GARRE1: variants seen among roughly 807,000 people sequenced by gnomAD.
The protein encoded by GARRE1 is granule associated Rac and RHOG effector protein 1.
GARRE1 carries 49 observed loss-of-function variants against 103.2 expected under a neutral mutation model. That is an observed-to-expected ratio of 0.47 (90% CI 0.38 to 0.60). The LOEUF is 0.60. Ranked by LOEUF, GARRE1 falls within the 20% of genes least tolerant of loss-of-function variation. The probability of loss-of-function intolerance (pLI) is 0.00; values close to 1 mark genes in which losing one functional copy is unlikely to be tolerated. For missense variants in GARRE1, 1,199 were observed against 1,370.5 expected (o/e 0.87, Z 1.98); for synonymous variants, 505 against 532.8 (o/e 0.95, Z 0.72).
intron 12 of GARRE1, among the ~76,000 whole-genome samples, chr19:34,350,281 A>T (rs1394732937): frequency 1.3e-5 from 2 of 152,128 alleles, no homozygotes; most frequent in Non-Finnish European, 2.9e-5. Context: ...ATGACACGCA[A>T]GTTTTCTGCC....
At chr19:34,305,490 G>C (rs1159007093) in intron 2 of GARRE1, among the ~76,000 whole-genome samples, 3 of 152,208 alleles carry the variant, frequency 2.0e-5, no homozygotes, top group Non-Finnish European at 2.9e-5. Context: ...AGAGTGGTTT[G>C]AAATATAAGG....
intron 2 of GARRE1, among the ~76,000 whole-genome samples, chr19:34,306,448 G>C (rs577427462): frequency 1.8e-4 from 27 of 152,352 alleles, no homozygotes; most frequent in African/African-American, 6.3e-4. Flanking sequence ...AGATACTGAT[G>C]CCTTTGTCCA....
chr19:34,256,482 T>G (rs575652369), intron 1 of GARRE1, among the ~76,000 whole-genome samples: 1 of 149,294 alleles, frequency 6.7e-6, no homozygotes, highest in Non-Finnish European at 1.5e-5. Flanking sequence ...GTCGTGCCAC[T>G]GCGCTCCAGC....
At chr19:34,330,136 A>G in intron 6 of GARRE1, 53 bp from the exon 7 acceptor site, 3 of 1,507,642 alleles carry the variant, frequency 2.0e-6, no homozygotes, top group Non-Finnish European at 2.7e-6. Context: ...CAAATTTTAG[A>G]ACCTTGCATG....
Position 34,342,439 on chromosome 19 carries a change from G to A in GARRE1, c.2505G>A (p.Leu835=). The change falls in exon 10 of 14, where the codon CTG becomes CTA. Residue 835 remains leucine (L), a synonymous_variant. Coordinates refer to ENST00000299505, the MANE Select transcript of GARRE1 (RefSeq NM_014686.5). ...DGVFGMLGEI[L]PFDPAVGSDP... The stretch of plus-strand genomic sequence containing the variant: ...TCTTTGGAATGCTGGGAGAGATTCT[G>A]CCTTTTGATCCTGCAGGTATGTGAG... 1 of 1,612,098 alleles carries A rather than the reference G, an allele frequency of 6.2e-7. No homozygotes were observed. Among genetic ancestry groups the A allele is most frequent in the Non-Finnish European group, 8.5e-7 (1 of 1,178,650 alleles).
At chr19:34,278,982 A>C (rs1040371306) in intron 1 of GARRE1, among the ~76,000 whole-genome samples, 3 of 152,106 alleles carry the variant, frequency 2.0e-5, no homozygotes, top group African/African-American at 7.2e-5. Flanking sequence ...CTTCCTTTTT[A>C]ATACTAAATA....
rs201292704 is a variant in GARRE1 at position 34,328,026 on chromosome 19, C to T, written c.979C>T (p.Arg327Trp). 1.1e-5 allele frequency: 17 copies of T among 1,614,124 alleles called. No homozygotes were observed. Among genetic ancestry groups the T allele is most frequent in the East Asian group, 2.2e-5 (1 of 44,880 alleles). ...CSEAEAQQTG[R>W]RQTPPQPMQC... ...CGAGGCGGAAGCCCAGCAGACGGGG[C>T]GGAGGCAGACACCCCCGCAGCCCAT... is the stretch of plus-strand genomic sequence containing the variant. The change falls in exon 6 of 14, where the codon CGG (arginine) becomes TGG (tryptophan). Residue 327 changes from arginine to tryptophan, a missense_variant. By Grantham distance (101) the Arg-to-Trp change is moderately radical. Coordinates refer to ENST00000299505, the MANE Select transcript of GARRE1 (RefSeq NM_014686.5).
intron 2 of GARRE1, among the ~76,000 whole-genome samples, chr19:34,307,630 CATATATACTT>C (rs1205970526): frequency 1.4e-5 from 2 of 140,900 alleles, no homozygotes; most frequent in African/African-American, 5.2e-5. Flanking sequence ...CTTATATATA[CATATATACTT>C]ATATATACAT....
intron 8 of GARRE1, among the ~76,000 whole-genome samples, chr19:34,334,971 A>T (rs1341897132): frequency 6.6e-6 from 1 of 151,930 alleles, no homozygotes; most frequent in Non-Finnish European, 1.5e-5. Context: ...TGAGCCTGGG[A>T]GACAGAGGTT....
At chr19:34,290,971 A>ATC (rs1276766825) in intron 1 of GARRE1, among the ~76,000 whole-genome samples, 1 of 118,778 alleles carries the variant, frequency 8.4e-6, no homozygotes, top group Non-Finnish European at 1.6e-5. Flanking sequence ...TAGTGGTGTG[A>ATC]TCTTGGTTCA....
chr19:34,263,713 C>T (rs2073734143), intron 1 of GARRE1, among the ~76,000 whole-genome samples: 1 of 152,162 alleles, frequency 6.6e-6, no homozygotes, highest in Non-Finnish European at 1.5e-5. Context: ...TCTCGAACTC[C>T]TGACCTCAAG....
chr19:34,324,231 C>G (rs1285448751), intron 3 of GARRE1, among the ~76,000 whole-genome samples: 4 of 152,214 alleles, frequency 2.6e-5, no homozygotes, highest in Admixed American at 2.6e-4. Context: ...GCTCTTTTCT[C>G]AGCCAACTTC....
At chr19:34,325,371 T>C (rs1171397693) in intron 3 of GARRE1, among the ~76,000 whole-genome samples, 1 of 152,142 alleles carries the variant, frequency 6.6e-6, no homozygotes, top group East Asian at 1.9e-4. Flanking sequence ...ACCGGGGGTC[T>C]CACAGGTGGC....
rs536654216 is a variant in GARRE1, at chr19:34,296,389, A to G, written c.-795-3290A>G. ...TCCTTGGCCTTGGCCTTTAGCCGGC[A>G]CAGCCTGAGTCCCTTGGCAGTGCGG... On this transcript the variant is annotated intron_variant, in intron 1 of 13. Transcript: ENST00000299505. 8 of 1,492,560 alleles carry G rather than the reference A, an allele frequency of 5.4e-6. 1 individual carries two copies. The South Asian group carries it at 9.0e-5, about 17-fold the overall frequency. 92.5% of individuals were successfully genotyped at this position (1,492,560 alleles called of 1,614,324 possible).
intron 1 of GARRE1, among the ~76,000 whole-genome samples, chr19:34,287,935 C>T (rs964184249): frequency 1.2e-4 from 19 of 152,122 alleles, no homozygotes; most frequent in Admixed American, 8.5e-4. Flanking sequence ...ACATTCAGTC[C>T]GTAACACAGG....
At position 34,352,983 on chromosome 19, in the gene GARRE1, CCTGCCT is replaced by C. The variant is rs1456217517; in HGVS notation, c.*29_*34del. ...CCAGGCCAGCCAGCCTGCCTGCCTG[CCTGCCT>C]GCCCGCCCAGAGCTGTGGGGATGAG... On this transcript the variant is annotated 3_prime_UTR_variant, in exon 14 of 14. Transcript: ENST00000299505. The C allele has an allele frequency of 1.3e-5, 19 of 1,490,264 alleles. No individual in the cohort carries two copies. The highest frequency in any genetic ancestry group is 6.9e-5 in the African/African-American group (5 of 72,234). 92.3% of individuals were successfully genotyped at this position (1,490,264 alleles called of 1,614,324 possible). A position where few individuals can be genotyped will look rare whatever the true frequency, so the allele number is the denominator to read the frequency against.
intron 1 of GARRE1, among the ~76,000 whole-genome samples, chr19:34,273,468 G>A (rs903724141): frequency 6.6e-6 from 1 of 152,154 alleles, no homozygotes; most frequent in Non-Finnish European, 1.5e-5. Context: ...TGGCAAGGGT[G>A]ACTTCATGAA....
intron 2 of GARRE1, among the ~76,000 whole-genome samples, chr19:34,318,964 G>A (rs1254400370): frequency 1.3e-5 from 2 of 151,814 alleles, no homozygotes; most frequent in South Asian, 2.1e-4. Context: ...GCAGTGAGCC[G>A]AGATCACGCC....
intron 1 of GARRE1, among the ~76,000 whole-genome samples, chr19:34,280,747 T>C (rs942810553): frequency 1.3e-5 from 2 of 152,174 alleles, no homozygotes; most frequent in Non-Finnish European, 2.9e-5. Context: ...CTAGGTGCTT[T>C]TGACATGAGC....
Sources: allele counts gnomAD v4.1 joint callset (sites outside exome capture counted in the v4.1 genomes callset), GRCh38; gene constraint gnomAD v4.1.1; transcripts MANE v1.5; gene names NCBI Gene and HGNC (gene_info 2026-07-23, HGNC 2026-07-21).